TRMT11: variants seen among roughly 807,000 people sequenced by gnomAD.
The protein encoded by TRMT11 is tRNA (guanine(10)-N(2))-methyltransferase TRMT11.
In TRMT11, 53 loss-of-function variants were observed where a neutral mutation model predicts 62.8. The observed-to-expected ratio is 0.84, with a 90% confidence interval of 0.68 to 1.06. TRMT11 has a LOEUF of 1.06. Among genes scored for constraint, TRMT11 ranks in the 50% least tolerant of loss-of-function variants. TRMT11 has a pLI of 0.00. For synonymous variants in TRMT11, 188 were observed against 190.3 expected, an observed-to-expected ratio of 0.99 and a Z score of 0.10; for missense variants, 556 against 553.4, an observed-to-expected ratio of 1.00 and a Z score of -0.05.
intron 21 of TRMT11, among the ~76,000 whole-genome samples, chr6:126,154,172 A>T (rs565344362): frequency 6.6e-6 from 1 of 152,346 alleles, no homozygotes; most frequent in African/African-American, 2.4e-5. Context: ...CCACTTAGCA[A>T]ATAAGCTTTC....
chr6:126,268,778 T>A, the TRMT11 span, among the ~76,000 whole-genome samples: 2 of 152,318 alleles, frequency 1.3e-5, no homozygotes, highest in South Asian at 4.1e-4. Flanking sequence ...AAAAATTAGA[T>A]GTTAAAATTG....
intron 17 of TRMT11, among the ~76,000 whole-genome samples, chr6:126,108,748 T>C (rs967536100): frequency 6.6e-6 from 1 of 152,186 alleles, no homozygotes; most frequent in Non-Finnish European, 1.5e-5. Flanking sequence ...TGTAGAAAGA[T>C]GGACAGCATG....
At chr6:126,240,877 G>A in the TRMT11 span, among the ~76,000 whole-genome samples, 2 of 152,314 alleles carry the variant, frequency 1.3e-5, no homozygotes, top group Non-Finnish European at 2.9e-5. Flanking sequence ...CTTCCAGGCC[G>A]CTTTGTTTAC....
rs1263910870 is a variant in TRMT11 at position 125,998,341 on chromosome 6, A to T, written c.387+26A>T. ...GTAAGTAAATTTAGCAAAACAAAAA[A>T]CCTACATGATGAATGCAGTCTGGCC... is the stretch of plus-strand genomic sequence containing the variant. On this transcript the variant is annotated intron_variant, in intron 5 of 12. Coordinates refer to ENST00000334379, the MANE Select transcript of TRMT11 (RefSeq NM_001031712.3). 2.0e-6 allele frequency: 3 copies of T among 1,485,806 alleles called. No individual in the cohort carries two copies. In the East Asian group the frequency reaches 6.8e-5, roughly 34 times the overall value. The allele number at this position is 1,485,806 out of a possible 1,614,324, so 92.0% of individuals were successfully genotyped here. A position where few individuals can be genotyped will look rare whatever the true frequency, so the allele number is the denominator to read the frequency against.
At chr6:126,055,216 C>T (rs1004151368) in intron 17 of TRMT11, among the ~76,000 whole-genome samples, 3 of 152,144 alleles carry the variant, frequency 2.0e-5, no homozygotes, top group Non-Finnish European at 4.4e-5. Context: ...CCCCTTGCCT[C>T]GGCCTCCCAA....
At chr6:126,226,538 C>T in the TRMT11 span, among the ~76,000 whole-genome samples, 1 of 151,980 alleles carries the variant, frequency 6.6e-6, no homozygotes, top group African/African-American at 2.4e-5. Context: ...ATAATAATTT[C>T]TATATGGAAA....
At chr6:126,203,088 G>A (rs1049134287), downstream of TRMT11, among the ~76,000 whole-genome samples, 1 of 152,164 alleles carries the variant, frequency 6.6e-6, no homozygotes, top group African/African-American at 2.4e-5. Context: ...AGTAATCATG[G>A]CAGGTAGCTT....
intron 17 of TRMT11, among the ~76,000 whole-genome samples, chr6:126,076,408 T>C (rs961882849): frequency 5.3e-5 from 8 of 152,124 alleles, no homozygotes; most frequent in African/African-American, 1.9e-4. Context: ...CAAGAGACCA[T>C]TGAGCCAAGA....
chr6:126,002,996 T>C (rs1792772372), intron 7 of TRMT11, among the ~76,000 whole-genome samples: 1 of 152,148 alleles, frequency 6.6e-6, no homozygotes, highest in Non-Finnish European at 1.5e-5. Flanking sequence ...ATGGAGCTTA[T>C]CTTTATTCTG....
intron 17 of TRMT11, among the ~76,000 whole-genome samples, chr6:126,104,666 A>G (rs760722987): frequency 3.3e-5 from 5 of 152,210 alleles, no homozygotes; most frequent in Non-Finnish European, 5.9e-5. Context: ...CTAATTCCAT[A>G]TAGGTCAAAT....
At chr6:126,256,161 T>C in the TRMT11 span, among the ~76,000 whole-genome samples, 150 of 152,330 alleles carry the variant, frequency 9.8e-4, no homozygotes, top group Middle Eastern at 3.4e-3. Flanking sequence ...AGTGTTTCCA[T>C]TGGGCTACTT....
At chr6:126,163,007 G>C (rs1302601374) in intron 21 of TRMT11, among the ~76,000 whole-genome samples, 1 of 152,168 alleles carries the variant, frequency 6.6e-6, no homozygotes. Flanking sequence ...TCTGCAAACA[G>C]AGACAATTTT....
intron 17 of TRMT11, among the ~76,000 whole-genome samples, chr6:126,067,716 G>A (rs950382478): frequency 6.6e-6 from 1 of 152,126 alleles, no homozygotes; most frequent in African/African-American, 2.4e-5. Flanking sequence ...TTACTTGTTA[G>A]ATCATACATA....
intron 21 of TRMT11, among the ~76,000 whole-genome samples, chr6:126,172,003 G>A (rs989901457): frequency 6.6e-6 from 1 of 152,112 alleles, no homozygotes; most frequent in Admixed American, 6.5e-5. Context: ...ACAGGCAAGA[G>A]CCACCACACC....
the TRMT11 span, among the ~76,000 whole-genome samples, chr6:126,261,644 CTT>C: frequency 6.6e-6 from 1 of 152,152 alleles, no homozygotes; most frequent in Non-Finnish European, 1.5e-5. Context: ...GGTGCATTGA[CTT>C]TGGTTTTGGG....
At chr6:126,246,197 T>C in the TRMT11 span, among the ~76,000 whole-genome samples, 1 of 152,132 alleles carries the variant, frequency 6.6e-6, no homozygotes, top group African/African-American at 2.4e-5. Flanking sequence ...CAGTGGGTGA[T>C]GGAGTGAGAT....
chr6:126,107,526 C>T (rs58399568), intron 17 of TRMT11, among the ~76,000 whole-genome samples: 1 of 151,984 alleles, frequency 6.6e-6, no homozygotes, highest in Non-Finnish European at 1.5e-5. Flanking sequence ...CCAGCCCTTG[C>T]GAGTAAAATA....
At chr6:126,062,482 T>A (rs1160170343) in intron 17 of TRMT11, among the ~76,000 whole-genome samples, 3 of 152,354 alleles carry the variant, frequency 2.0e-5, no homozygotes, top group African/African-American at 7.2e-5. Flanking sequence ...GGTAGCCTAC[T>A]TTCGTGGCAA....
the TRMT11 span, among the ~76,000 whole-genome samples, chr6:126,219,730 C>T: frequency 6.6e-6 from 1 of 152,216 alleles, no homozygotes; most frequent in Non-Finnish European, 1.5e-5. Context: ...GGTCAACACC[C>T]TGTGAACAAG....
Sources: gnomAD v4.1 joint callset for allele counts (sites outside exome capture counted in the v4.1 genomes callset) on GRCh38, gnomAD v4.1.1 for gene constraint, MANE v1.5 for transcripts, NCBI Gene and HGNC (gene_info 2026-07-23, HGNC 2026-07-21) for gene names.